Variants in NMNAT2 observed in about 807,000 individuals in gnomAD.
The protein encoded by NMNAT2 is nicotinamide nucleotide adenylyltransferase 2.
A neutral mutation model predicts 41.6 loss-of-function variants in NMNAT2; 11 were observed. The observed-to-expected ratio is 0.26, with a 90% CI of 0.17 to 0.44. The LOEUF is 0.44. NMNAT2 is among the 20% of genes least tolerant of loss of function. The pLI is 1.00. For synonymous variants in NMNAT2, 148 were observed against 151.2 expected, an observed-to-expected ratio of 0.98 and a Z score of 0.16; for missense variants, 288 against 407.7, an observed-to-expected ratio of 0.71 and a Z score of 2.53.
chr1:183,269,617 T>C (rs1181726871), intron 8 of NMNAT2, among the ~76,000 whole-genome samples: 3 of 152,262 alleles, frequency 2.0e-5, no homozygotes, highest in Non-Finnish European at 2.9e-5. Context: ...GGAAGAAACA[T>C]TGATTAAGGT....
chr1:183,394,598 A>G (rs1171863162), intron 1 of NMNAT2, among the ~76,000 whole-genome samples: 2 of 152,230 alleles, frequency 1.3e-5, no homozygotes, highest in East Asian at 3.8e-4. Context: ...AATCTGGCTG[A>G]AAACCATGGT....
intron 1 of NMNAT2, among the ~76,000 whole-genome samples, chr1:183,303,773 G>A (rs1400998503): frequency 1.3e-5 from 2 of 152,212 alleles, no homozygotes; most frequent in African/African-American, 2.4e-5. Context: ...AGCACAGTAC[G>A]GTCCATGAAG....
chr1:183,368,135 A>G (rs1475934415), intron 1 of NMNAT2, among the ~76,000 whole-genome samples: 2 of 152,358 alleles, frequency 1.3e-5, no homozygotes, highest in African/African-American at 4.8e-5. Context: ...TATTTATTAT[A>G]TAAAAGTATT....
intron 1 of NMNAT2, among the ~76,000 whole-genome samples, chr1:183,352,956 G>A (rs540817069): frequency 1.2e-4 from 18 of 152,278 alleles, no homozygotes; most frequent in Admixed American, 3.3e-4. Context: ...AATGGGCAAG[G>A]GAATATGAAG....
rs576480056 is a variant in NMNAT2 at position 183,357,519 on chromosome 1, A to G, written c.85+60664T>C. Among the ~76,000 whole-genome samples, 6 of 152,118 alleles carry G rather than the reference A, an allele frequency of 3.9e-5. No homozygotes were observed. The East Asian group carries it at 5.8e-4, about 15-fold the overall frequency. The stretch of plus-strand genomic sequence containing the variant: ...GCTGGGATTACAGGTGTGAGCCACC[A>G]CGCCCGGCTGAGAGATATCAAATTC... On this transcript the variant is annotated intron_variant, in intron 1 of 10. Coordinates refer to ENST00000287713, the MANE Select transcript of NMNAT2 (RefSeq NM_015039.4).
chr1:183,351,522 T>G (rs1663047090), intron 1 of NMNAT2, among the ~76,000 whole-genome samples: 1 of 152,226 alleles, frequency 6.6e-6, no homozygotes, highest in Admixed American at 6.5e-5. Flanking sequence ...CTATTTACTC[T>G]TCTTTAGCAT....
chr1:183,286,554 CT>C, intron 5 of NMNAT2, 107 bp downstream of exon 5: 1 of 908,908 alleles, frequency 1.1e-6, no homozygotes, highest in Non-Finnish European at 1.6e-6. Flanking sequence ...CCTCTTTCCC[CT>C]CTCAGACCTA....
intron 1 of NMNAT2, among the ~76,000 whole-genome samples, chr1:183,363,599 C>CAT (rs1199292667): frequency 6.6e-6 from 1 of 151,900 alleles, no homozygotes; most frequent in African/African-American, 2.4e-5. Context: ...CACACACACA[C>CAT]ACACACAATA....
chr1:183,384,160 G>A (rs151230286), intron 1 of NMNAT2, among the ~76,000 whole-genome samples: 7 of 150,202 alleles, frequency 4.7e-5, no homozygotes, highest in African/African-American at 1.0e-4. Flanking sequence ...TTATGTGGCC[G>A]GAGCAGAAGG....
intron 3 of NMNAT2, among the ~76,000 whole-genome samples, chr1:183,292,426 A>G (rs1458750120): frequency 6.6e-6 from 1 of 152,226 alleles, no homozygotes; most frequent in Non-Finnish European, 1.5e-5. Context: ...CCTGAAAGGT[A>G]GTGAGGGTTC....
At chr1:183,258,333 C>T (rs77592531) in intron 10 of NMNAT2, among the ~76,000 whole-genome samples, 44 of 152,286 alleles carry the variant, frequency 2.9e-4, no homozygotes, top group Non-Finnish European at 5.6e-4. Flanking sequence ...TCACTGGAGA[C>T]CAGCTCACTG....
chr1:183,416,186 C>G (rs1390102428), intron 1 of NMNAT2, among the ~76,000 whole-genome samples: 1 of 152,216 alleles, frequency 6.6e-6, no homozygotes, highest in Non-Finnish European at 1.5e-5. Context: ...TCTTCAGCTA[C>G]AAGACAGAAT....
chr1:183,269,569 G>A (rs1307269339), intron 8 of NMNAT2, among the ~76,000 whole-genome samples: 4 of 152,246 alleles, frequency 2.6e-5, no homozygotes, highest in Non-Finnish European at 5.9e-5. Context: ...TCTGGATAAG[G>A]ATAGTCAGGG....
intron 1 of NMNAT2, among the ~76,000 whole-genome samples, chr1:183,339,350 G>A (rs573577377): frequency 6.6e-6 from 1 of 152,292 alleles, no homozygotes; most frequent in African/African-American, 2.4e-5. Flanking sequence ...GCGCGCCTCA[G>A]CCTCCCAAAG....
At chr1:183,264,365 G>C (rs1660749131) in intron 8 of NMNAT2, among the ~76,000 whole-genome samples, 1 of 151,884 alleles carries the variant, frequency 6.6e-6, no homozygotes, top group South Asian at 2.1e-4. Context: ...CTGTTCAGTG[G>C]GCGGCAAGCA....
chr1:183,306,999 C>T (rs894455818), intron 1 of NMNAT2, among the ~76,000 whole-genome samples: 1 of 152,052 alleles, frequency 6.6e-6, no homozygotes, highest in Non-Finnish European at 1.5e-5. Context: ...TGAGGAAGTG[C>T]AACCACTCCT....
At chr1:183,324,309 C>T (rs938572619) in intron 1 of NMNAT2, among the ~76,000 whole-genome samples, 1 of 152,122 alleles carries the variant, frequency 6.6e-6, no homozygotes, top group East Asian at 1.9e-4. Flanking sequence ...CAAAAGAGAC[C>T]GTGAGAACTG....
rs1404932350 is a variant in NMNAT2, at chr1:183,304,067, G to A, written c.86-10274C>T. ...GCACTATGGAGTCAGCATCTTCCCAGGCCTGTGTCTGTGACTCATGATGGC... is the reference window on the plus strand; with the variant it reads ...GCACTATGGAGTCAGCATCTTCCCAAGCCTGTGTCTGTGACTCATGATGGC... On this transcript the variant is annotated intron_variant, in intron 1 of 10. Coordinates refer to ENST00000287713, the MANE Select transcript of NMNAT2 (RefSeq NM_015039.4). Among the ~76,000 whole-genome samples the A allele has an allele frequency of 3.3e-5, 5 of 152,206 alleles. No homozygotes were observed. In the East Asian group the frequency reaches 9.6e-4, roughly 29 times the overall value.
chr1:183,347,428 T>A (rs1662955677), intron 1 of NMNAT2, among the ~76,000 whole-genome samples: 2 of 151,958 alleles, frequency 1.3e-5, no homozygotes, highest in Admixed American at 1.3e-4. Context: ...CGCACTCCAG[T>A]CTGGGTGACA....
Sources: gnomAD v4.1 joint callset for allele counts (sites outside exome capture counted in the v4.1 genomes callset) on GRCh38, gnomAD v4.1.1 for gene constraint, MANE v1.5 for transcripts, NCBI Gene and HGNC (gene_info 2026-07-23, HGNC 2026-07-21) for gene names.